SMC6: variants seen among roughly 807,000 people sequenced by gnomAD.
The protein encoded by SMC6 is structural maintenance of chromosomes protein 6.
In SMC6, 79 loss-of-function variants were observed where a neutral mutation model predicts 142.2. The observed-to-expected ratio is 0.56, with a 90% CI of 0.46 to 0.67. SMC6 has a LOEUF of 0.67. SMC6 is among the 30% of genes least tolerant of loss of function. SMC6 has a pLI of 0.00. For synonymous variants in SMC6, 411 were observed against 412.4 expected (o/e 1.00, Z 0.04); for missense variants, 1,072 against 1,284.0 (o/e 0.83, Z 2.52).
At chr2:17,718,336 C>A (rs1186264913) in intron 11 of SMC6, 113 bp from the exon 12 acceptor site, 1 of 615,576 alleles carries the variant, frequency 1.6e-6, no homozygotes, top group African/African-American at 1.9e-5. Flanking sequence ...CTCAAGACAT[C>A]AGGCAAATAA....
Position 17,665,451 on chromosome 2 carries a change from C to T in SMC6, c.*48G>A. 7.5e-7 allele frequency: 1 copy of T among 1,325,956 alleles called. No homozygotes were observed. Among genetic ancestry groups the T allele is most frequent in the Non-Finnish European group, 1.0e-6 (1 of 963,516 alleles). 82.1% of individuals were successfully genotyped at this position (1,325,956 alleles called of 1,614,324 possible). ...TATCAAAGAGTCCAGAATTTTTTTT[C>T]CCTTCACAAATCCTTCAACATCAGG... On this transcript the variant is annotated 3_prime_UTR_variant, in exon 28 of 28. Transcript: ENST00000448223.
chr2:17,700,819 G>A (rs7581024), intron 20 of SMC6, among the ~76,000 whole-genome samples: 47,693 of 151,626 alleles, frequency 0.31, 8,047 homozygotes, highest in African/African-American at 0.35. Flanking sequence ...ATCACCTAAG[G>A]ACAGGAGTTT....
At chr2:17,741,051 A>G (rs1670446860) in intron 4 of SMC6, among the ~76,000 whole-genome samples, 1 of 152,172 alleles carries the variant, frequency 6.6e-6, no homozygotes, top group South Asian at 2.1e-4. Context: ...AATAAACCAT[A>G]TAAGGTTATT....
chr2:17,714,815 T>C (rs1399203206), intron 16 of SMC6, 46 bp downstream of exon 16: 1 of 1,575,658 alleles, frequency 6.3e-7, no homozygotes. Context: ...CAATCTTGCA[T>C]ATGATTAAGC....
intron 18 of SMC6, among the ~76,000 whole-genome samples, chr2:17,705,666 T>C (rs1668474649): frequency 6.6e-6 from 1 of 152,226 alleles, no homozygotes; most frequent in South Asian, 2.1e-4. Context: ...ATTGTCATTA[T>C]ACAATTTTTC....
chr2:17,751,102 T>C (rs1237101370), intron 2 of SMC6, among the ~76,000 whole-genome samples: 1 of 151,684 alleles, frequency 6.6e-6, no homozygotes, highest in Non-Finnish European at 1.5e-5. Context: ...TTGTGTTTCA[T>C]CTTCACACTT....
chr2:17,710,444 A>T (rs563535729), intron 16 of SMC6, among the ~76,000 whole-genome samples: 3 of 152,320 alleles, frequency 2.0e-5, no homozygotes, highest in Middle Eastern at 3.4e-3. Context: ...AAGGCAACCT[A>T]CAAACACAGT....
At chr2:17,701,940 A>AT in intron 19 of SMC6, 31 bp from the exon 20 acceptor site, 1 of 1,247,936 alleles carries the variant, frequency 8.0e-7, no homozygotes, top group Non-Finnish European at 1.1e-6. Context: ...TTTTAGTAAC[A>AT]TAAAAAAAAA....
At position 17,738,333 on chromosome 2, in the gene SMC6, A is replaced by G. The variant is rs747021321; in HGVS notation, c.239-7T>C. ...AGTACTGCACTCTTCCCACCTAAAGAAACAGATGTTGAAGAAATCACATTC... is the reference window on the plus strand; with the variant it reads ...AGTACTGCACTCTTCCCACCTAAAGGAACAGATGTTGAAGAAATCACATTC... On this transcript the variant is annotated splice_region_variant and splice_polypyrimidine_tract_variant and intron_variant, in intron 4 of 27. Transcript: ENST00000448223. 3 of 1,593,936 alleles carry G rather than the reference A, an allele frequency of 1.9e-6. No homozygotes were observed. Among genetic ancestry groups the G allele is most frequent in the South Asian group, 1.1e-5 (1 of 87,836 alleles).
Position 17,717,124 on chromosome 2 carries a change from T to C in SMC6, c.1145A>G (p.Glu382Gly), listed in dbSNP as rs1669131144. The change falls in exon 13 of 28, where the codon GAG becomes GGG. Residue 382 changes from glutamate to glycine, a missense_variant. Glu to Gly is a moderately conservative substitution (Grantham distance 98). This residue lies in a region of SMC6 where 994 missense variants were observed against 1,153.2 expected (regional missense o/e 0.86). Coordinates refer to ENST00000448223, the MANE Select transcript of SMC6 (RefSeq NM_001142286.2). Reference protein sequence around the residue: ...NEYKALKKDDEQLCKRIEELK... With the variant: ...NEYKALKKDDGQLCKRIEELK... ...CTCTTCAATTCGTTTACAAAGCTGCTCATCATCTTTCTTTAATGCTTTATA... is the reference window on the plus strand; with the variant it reads ...CTCTTCAATTCGTTTACAAAGCTGCCCATCATCTTTCTTTAATGCTTTATA... The C allele has an allele frequency of 6.2e-7, 1 of 1,612,582 alleles. No homozygotes were observed. Among genetic ancestry groups the C allele is most frequent in the South Asian group, 1.1e-5 (1 of 90,636 alleles).
intron 18 of SMC6, among the ~76,000 whole-genome samples, chr2:17,704,992 CA>C (rs1668434020): frequency 6.6e-6 from 1 of 151,238 alleles, no homozygotes; most frequent in Non-Finnish European, 1.5e-5. Flanking sequence ...CACGGTGGCT[CA>C]CGCCTCTAAT....
At chr2:17,718,352 A>T (rs147837420) in intron 11 of SMC6, 129 bp from the exon 12 acceptor site, 105 of 531,052 alleles carry the variant, frequency 2.0e-4, no homozygotes, top group African/African-American at 1.5e-3. Context: ...AATAAACATA[A>T]CATAACATTA....
At chr2:17,669,678 C>T (rs944043685) in intron 26 of SMC6, among the ~76,000 whole-genome samples, 1 of 152,244 alleles carries the variant, frequency 6.6e-6, no homozygotes, top group South Asian at 2.1e-4. Context: ...TCATTTATAA[C>T]CTTTGCTAAA....
chr2:17,673,601 C>T (rs1321229863), intron 25 of SMC6, among the ~76,000 whole-genome samples: 1 of 149,206 alleles, frequency 6.7e-6, no homozygotes, highest in Non-Finnish European at 1.5e-5. Flanking sequence ...CAGAGTTTCG[C>T]TCTTATTGCC....
chr2:17,707,319 CT>C lies in SMC6; in HGVS notation c.1905del (p.Ala636LeufsTer25). On this transcript the variant is annotated frameshift_variant, in exon 18 of 28. Coordinates refer to ENST00000448223, the MANE Select transcript of SMC6 (RefSeq NM_001142286.2). LOFTEE classifies it high-confidence loss of function. ...ACTTGATCACCATCAGCAGTAAAAG[CT>C]TCTCTACAATTTTTGGGTGGCTTTT... is the stretch of plus-strand genomic sequence containing the variant. The part of the protein sequence containing the change: ...QSQKPPKNCR[E>X]AFTADGDQVF... 1 of 1,603,560 alleles carries C rather than the reference CT, an allele frequency of 6.2e-7. No individual in the cohort carries two copies. The highest frequency in any genetic ancestry group is 8.5e-7 in the Non-Finnish European group (1 of 1,175,406).
intron 26 of SMC6, among the ~76,000 whole-genome samples, chr2:17,667,451 A>C (rs1666550574): frequency 6.6e-6 from 1 of 152,378 alleles, no homozygotes; most frequent in East Asian, 1.9e-4. Context: ...TTCTGAGTTA[A>C]GTAACAGTAA....
chr2:17,725,342 G>A lies in SMC6; in HGVS notation c.641C>T (p.Thr214Met), dbSNP rs760703737. Residue 214 changes from threonine (T) to methionine (M), a missense_variant, in exon 9 of 28, where the codon ACG becomes ATG. Transcript: ENST00000448223. Reference sequence around the variant, plus strand: ...ATCTTCCTTCATCTGTTCAAGTTGCGTTGCTTTCATGAAGAACTATTATCA... The same window carrying A: ...ATCTTCCTTCATCTGTTCAAGTTGCATTGCTTTCATGAAGAACTATTATCA... Reference protein sequence around the residue: ...GDKYKFFMKATQLEQMKEDYS... With the variant: ...GDKYKFFMKAMQLEQMKEDYS... 7.5e-6 allele frequency: 12 copies of A among 1,597,972 alleles called. No individual in the cohort carries two copies. Among genetic ancestry groups the A allele is most frequent in the Non-Finnish European group, 9.4e-6 (11 of 1,175,558 alleles).
intron 23 of SMC6, among the ~76,000 whole-genome samples, chr2:17,691,345 T>C (rs1237625801): frequency 2.2e-5 from 2 of 92,888 alleles, no homozygotes; most frequent in African/African-American, 1.3e-4. Context: ...TCTGTGTGTG[T>C]GTGTCTGTGT....
At chr2:17,719,880 T>C (rs1669284397) in intron 11 of SMC6, among the ~76,000 whole-genome samples, 1 of 152,166 alleles carries the variant, frequency 6.6e-6, no homozygotes, top group Non-Finnish European at 1.5e-5. Context: ...ATCAATCTGC[T>C]TATCTTGGAG....
Sources: gnomAD v4.1 joint callset for allele counts (sites outside exome capture counted in the v4.1 genomes callset) on GRCh38, gnomAD v4.1.1 for gene constraint, gnomAD v4.1.1 regional missense constraint, MANE v1.5 for transcripts, NCBI Gene and HGNC (gene_info 2026-07-23, HGNC 2026-07-21) for gene names.